The following UPK1B variants were observed in gnomAD, a reference collection of about 807,000 sequenced individuals.
UPK1B encodes uroplakin 1B, also known as uroplakin-1b.
A neutral mutation model predicts 34.2 loss-of-function variants in UPK1B; 28 were observed. That is an observed-to-expected ratio of 0.82 (90% CI 0.61 to 1.12). The LOEUF (loss-of-function observed/expected upper bound fraction) is 1.12. Among genes scored for constraint, UPK1B ranks in the 50% most tolerant of loss-of-function variants. The pLI is 0.00. For synonymous variants in UPK1B, 81 were observed against 110.4 expected (o/e 0.73, Z 1.67); for missense variants, 325 against 320.9 (o/e 1.01, Z -0.10).
At chr3:119,189,705 G>A (rs2078035656) in intron 3 of UPK1B, among the ~76,000 whole-genome samples, 1 of 152,230 alleles carries the variant, frequency 6.6e-6, no homozygotes, top group Non-Finnish European at 1.5e-5. Flanking sequence ...GAGACTGGAT[G>A]CTTGTTAGGA....
intron 1 of UPK1B, among the ~76,000 whole-genome samples, chr3:119,179,371 ATATATATATATATATATATATATATATT>A (rs796638227): frequency 0.019 from 1,382 of 73,086 alleles, 75 homozygotes; most frequent in African/African-American, 0.05. Context: ...ATATATATAT[ATATATATATATATATATATATATATATT>A]AATTCTAAGG....
chr3:119,186,644 G>T, intron 1 of UPK1B, 70 bp from the exon 2 acceptor site: 1 of 1,158,420 alleles, frequency 8.6e-7, no homozygotes, highest in Non-Finnish European at 1.3e-6. Flanking sequence ...GAACAAGGAG[G>T]CAATACGCAA....
intron 1 of UPK1B, among the ~76,000 whole-genome samples, chr3:119,184,254 G>T (rs1460363603): frequency 6.6e-6 from 1 of 152,070 alleles, no homozygotes; most frequent in Non-Finnish European, 1.5e-5. Flanking sequence ...AAGTCTGTAC[G>T]TCACGGGGCA....
rs770126357 is a variant in UPK1B, at chr3:119,187,833, T to A, written c.128T>A (p.Leu43His). The A allele has an allele frequency of 3.1e-6, 5 of 1,613,624 alleles. No homozygotes were observed. In the Admixed American group the frequency reaches 6.7e-5, roughly 22 times the overall value. Residue 43 changes from leucine to histidine, a missense_variant, in exon 3 of 8, where the codon CTC (leucine) becomes CAC (histidine). Physicochemically the swap from Leu to His is moderately conservative, Grantham distance 99. Coordinates refer to ENST00000264234, the MANE Select transcript of UPK1B (RefSeq NM_006952.4). The stretch of plus-strand genomic sequence containing the variant: ...TTCTTTGTATCTGACCAACACAGCC[T>A]CTACCCACTGCTTGAAGCCACCGAC... ...CIFFVSDQHS[L>H]YPLLEATDND...
intron 7 of UPK1B, among the ~76,000 whole-genome samples, chr3:119,202,646 C>T (rs1475449020): frequency 6.6e-6 from 1 of 152,046 alleles, no homozygotes; most frequent in Non-Finnish European, 1.5e-5. Context: ...AAACAGAGCC[C>T]AAATAAACTA....
At chr3:119,183,443 G>A (rs562489768) in intron 1 of UPK1B, among the ~76,000 whole-genome samples, 5 of 152,124 alleles carry the variant, frequency 3.3e-5, no homozygotes, top group East Asian at 1.9e-4. Context: ...TGTATTTTTA[G>A]TAGAGACGGG....
rs375245445 is a variant in UPK1B, at chr3:119,180,104, C to A, written c.-29+6466C>A. ...GTGCTGGGATTACAGGCGTGAGCCACCGCGCTTGGCCTGATGTTGCAGACT... is the reference window on the plus strand; with the variant it reads ...GTGCTGGGATTACAGGCGTGAGCCAACGCGCTTGGCCTGATGTTGCAGACT... On this transcript the variant is annotated intron_variant, in intron 1 of 7. Coordinates refer to ENST00000264234, the MANE Select transcript of UPK1B (RefSeq NM_006952.4). Among the ~76,000 whole-genome samples, 7 of 152,144 alleles carry A rather than the reference C, an allele frequency of 4.6e-5. No homozygotes were observed. In the East Asian group the frequency reaches 5.8e-4, roughly 13 times the overall value.
chr3:119,175,916 C>A (rs1363853227), intron 1 of UPK1B: 1 of 152,192 alleles, frequency 6.6e-6, no homozygotes, highest in Non-Finnish European at 1.5e-5. Flanking sequence ...AGGTTTAGAG[C>A]TTTAAAGCAA....
chr3:119,187,236 C>T (rs1207329745), intron 2 of UPK1B, among the ~76,000 whole-genome samples: 3 of 152,162 alleles, frequency 2.0e-5, no homozygotes, highest in African/African-American at 7.2e-5. Context: ...AGAGGCCATA[C>T]TGTGTGGGTC....
chr3:119,174,333 T>A (rs1304713015), intron 1 of UPK1B, among the ~76,000 whole-genome samples: 1 of 152,252 alleles, frequency 6.6e-6, no homozygotes, highest in Non-Finnish European at 1.5e-5. Flanking sequence ...AAGATATTTT[T>A]CATTCTGATC....
intron 7 of UPK1B, among the ~76,000 whole-genome samples, chr3:119,200,530 G>T (rs1057425421): frequency 6.6e-6 from 1 of 152,160 alleles, no homozygotes; most frequent in African/African-American, 2.4e-5. Flanking sequence ...AAAAATATTA[G>T]TTCATTGTGT....
At chr3:119,199,186 G>A (rs1467588434) in intron 7 of UPK1B, 46 bp downstream of exon 7, 13 of 1,605,428 alleles carry the variant, frequency 8.1e-6, no homozygotes, top group East Asian at 6.7e-5. Context: ...ATGATCATAC[G>A]GAGAGACCTT....
intron 7 of UPK1B, among the ~76,000 whole-genome samples, chr3:119,203,338 C>A (rs2078101083): frequency 8.0e-5 from 2 of 24,932 alleles, no homozygotes; most frequent in Non-Finnish European, 1.6e-4. Flanking sequence ...GAAACTCCGT[C>A]TCAAAAAAAA....
chr3:119,180,107 C>T (rs542630253), intron 1 of UPK1B, among the ~76,000 whole-genome samples: 16 of 152,240 alleles, frequency 1.1e-4, no homozygotes, highest in African/African-American at 2.4e-4. Flanking sequence ...TGAGCCACCG[C>T]GCTTGGCCTG....
In UPK1B at chr3:119,194,292, A is replaced by G. The variant is rs762710586; in HGVS notation, c.542A>G (p.Asp181Gly). 4 of 1,614,068 alleles carry G rather than the reference A, an allele frequency of 2.5e-6. No individual in the cohort carries two copies. The highest frequency in any genetic ancestry group is 3.4e-6 in the Non-Finnish European group (4 of 1,179,948). The change falls in exon 6 of 8, where the codon GAT becomes GGT. Residue 181 changes from aspartate to glycine, a missense_variant. By Grantham distance (94) the Asp-to-Gly change is moderately conservative (BLOSUM62 -1). Coordinates refer to ENST00000264234, the MANE Select transcript of UPK1B (RefSeq NM_006952.4). ...TCTGCCTTCCGGACTGAGAATAATG[A>G]TGCTGACTATCCCTGGCCTCGTCAA... ...YTSAFRTENN[D>G]ADYPWPRQCC...
Position 119,189,473 on chromosome 3 carries a change from G to A in UPK1B, c.271-772G>A, listed in dbSNP as rs1305023226. 2.0e-5 allele frequency among the ~76,000 whole-genome samples: 3 copies of A among 152,236 alleles called. No homozygotes were observed. The East Asian group carries it at 5.8e-4, about 29-fold the overall frequency. ...AACAGTCCCCATCCCAGATTCAGAG[G>A]TCATTTGCTGTTCGGATATTTTCCA... is the stretch of plus-strand genomic sequence containing the variant. On this transcript the variant is annotated intron_variant, in intron 3 of 7. Transcript: ENST00000264234.
chr3:119,190,982 T>C lies in UPK1B; in HGVS notation c.346T>C (p.Phe116Leu), dbSNP rs1159591166. The change falls in exon 5 of 8, where the codon TTC (phenylalanine) becomes CTC (leucine). Residue 116 changes from phenylalanine (F) to leucine (L), a missense_variant and splice_region_variant. Coordinates refer to ENST00000264234, the MANE Select transcript of UPK1B (RefSeq NM_006952.4). ...CTTGTGTTGCCTCTTCCTACTATAG[T>C]TCACACCCAACCTCTTCCTGAAGCA... ...CITAATQQDFFTPNLFLKQML... is the reference protein window; with the variant it reads ...CITAATQQDFLTPNLFLKQML... 1.9e-6 allele frequency: 3 copies of C among 1,613,874 alleles called. No individual in the cohort carries two copies. The highest frequency in any genetic ancestry group is 1.7e-5 in the Admixed American group (1 of 60,024).
chr3:119,180,311 T>C (rs528502595), intron 1 of UPK1B, among the ~76,000 whole-genome samples: 1 of 152,322 alleles, frequency 6.6e-6, no homozygotes, highest in East Asian at 1.9e-4. Flanking sequence ...TCTACTGATT[T>C]AAACGTTAAT....
At chr3:119,196,241 C>T (rs2078066954) in intron 6 of UPK1B, among the ~76,000 whole-genome samples, 1 of 152,112 alleles carries the variant, frequency 6.6e-6, no homozygotes, top group African/African-American at 2.4e-5. Context: ...TTCCCACACA[C>T]CACCATTCTC....
Sources: allele counts gnomAD v4.1 joint callset (sites outside exome capture counted in the v4.1 genomes callset), GRCh38; gene constraint gnomAD v4.1.1; transcripts MANE v1.5; gene names NCBI Gene and HGNC (gene_info 2026-07-23, HGNC 2026-07-21).